The following COL9A1 variants were observed in gnomAD, a reference collection of about 807,000 sequenced individuals.
COL9A1 encodes the protein collagen alpha-1(IX) chain.
A neutral mutation model predicts 142.6 loss-of-function variants in COL9A1; 104 were observed. The ratio of observed to expected loss-of-function variants is 0.73; its 90% CI spans 0.62 to 0.86. The LOEUF is 0.86. Among genes scored for constraint, COL9A1 ranks in the 40% least tolerant of loss-of-function variants. The pLI, the probability that COL9A1 is intolerant of heterozygous loss-of-function variation, is 0.00. For missense variants in COL9A1, 1,210 were observed against 1,176.6 expected (o/e 1.03, Z -0.42); for synonymous variants, 466 against 396.0 (o/e 1.18, Z -2.10).
intron 36 of COL9A1, among the ~76,000 whole-genome samples, chr6:70,229,747 A>C (rs888689585): frequency 6.6e-6 from 1 of 152,202 alleles, no homozygotes; most frequent in Non-Finnish European, 1.5e-5. Context: ...GGCCAGTTAG[A>C]TATCTCTCAG....
chr6:70,280,785 G>A (rs757268494), intron 10 of COL9A1, 27 bp downstream of exon 10: 3 of 1,605,104 alleles, frequency 1.9e-6, no homozygotes, highest in Non-Finnish European at 2.6e-6. Flanking sequence ...CCCAGGCTGG[G>A]CGCCCTCCCA....
intron 5 of COL9A1, among the ~76,000 whole-genome samples, chr6:70,284,954 T>G (rs1002581300): frequency 6.6e-6 from 1 of 152,244 alleles, no homozygotes; most frequent in Non-Finnish European, 1.5e-5. Flanking sequence ...TTGAGATCAC[T>G]GGACAGAAGA....
At chr6:70,267,611 C>T (rs1257405752) in intron 17 of COL9A1, among the ~76,000 whole-genome samples, 5 of 152,020 alleles carry the variant, frequency 3.3e-5, no homozygotes, top group African/African-American at 9.7e-5. Context: ...CGTGAGCCAC[C>T]GCGCCCGGCC....
At chr6:70,262,550 T>TA (rs998168406) in intron 19 of COL9A1, among the ~76,000 whole-genome samples, 3 of 152,218 alleles carry the variant, frequency 2.0e-5, no homozygotes, top group African/African-American at 7.2e-5. Context: ...ATAGAGTCTA[T>TA]AACCTGGCTA....
intron 4 of COL9A1, among the ~76,000 whole-genome samples, chr6:70,298,700 GA>G (rs1773941280): frequency 6.6e-6 from 1 of 152,144 alleles, no homozygotes; most frequent in Admixed American, 6.5e-5. Flanking sequence ...CCTTAGAAGA[GA>G]AAATCAGGTC....
At chr6:70,253,724 T>G (rs928001798) in intron 25 of COL9A1, among the ~76,000 whole-genome samples, 2 of 152,180 alleles carry the variant, frequency 1.3e-5, no homozygotes, top group Non-Finnish European at 2.9e-5. Context: ...TAGAATCCAG[T>G]ACCACTTTCA....
chr6:70,288,448 G>A (rs1481784818), intron 5 of COL9A1, among the ~76,000 whole-genome samples: 1 of 152,074 alleles, frequency 6.6e-6, no homozygotes, highest in African/African-American at 2.4e-5. Context: ...TATCAAAATA[G>A]CAGCCAAGGA....
chr6:70,259,923 C>A (rs1278725624), intron 20 of COL9A1, among the ~76,000 whole-genome samples: 2 of 152,018 alleles, frequency 1.3e-5, no homozygotes, highest in African/African-American at 4.8e-5. Context: ...AAGGGCAGGG[C>A]TCATGGATCA....
In COL9A1 at chr6:70,237,836, A is replaced by C. The variant is rs528424198; in HGVS notation, c.2112+1418T>G. 2.6e-5 allele frequency among the ~76,000 whole-genome samples: 4 copies of C among 152,364 alleles called. No individual in the cohort carries two copies. The South Asian group carries it at 8.3e-4, about 32-fold the overall frequency. The stretch of plus-strand genomic sequence containing the variant: ...AATAATATTCATCTCTGCGGTTTGC[A>C]AAGAGCCCAAGGCTAGGCATTGTAA... On this transcript the variant is annotated intron_variant, in intron 33 of 37. Transcript: ENST00000357250.
rs745566207 is a variant in COL9A1 at position 70,302,007 on chromosome 6, G to A, written c.82C>T (p.Arg28Cys). The change falls in exon 2 of 38, where the codon CGC becomes TGC. Residue 28 changes from arginine (R) to cysteine (C), a missense_variant. Coordinates refer to ENST00000357250, the MANE Select transcript of COL9A1 (RefSeq NM_001851.6). ...TAGAAACTATGGCCCTTACTGGGGC[G>A]ACGCTTGACAGCTGCAGATGCCCAG... The part of the protein sequence containing the change: ...EPWASAAVKR[R>C]PRFPVNSNSN... The A allele has an allele frequency of 6.2e-6, 10 of 1,610,058 alleles. No individual in the cohort carries two copies. Among genetic ancestry groups the A allele is most frequent in the Non-Finnish European group, 8.5e-6 (10 of 1,178,244 alleles).
At position 70,274,765 on chromosome 6, in the gene COL9A1, G is replaced by A. The variant is rs866839900; in HGVS notation, c.983C>T (p.Thr328Ile). 2 of 1,612,382 alleles carry A rather than the reference G, an allele frequency of 1.2e-6. No individual in the cohort carries two copies. The highest frequency in any genetic ancestry group is 2.2e-5 in the East Asian group (1 of 44,866). ...GGAGCCAGGGGATCCATCAGGTCCTGTTAATCCCTAATAGAGCAAGACAAT... is the reference window on the plus strand; with the variant it reads ...GGAGCCAGGGGATCCATCAGGTCCTATTAATCCCTAATAGAGCAAGACAAT... ...KPGTPGADGL[T>I]GPDGSPGSIG... Residue 328 changes from threonine to isoleucine, a missense_variant, in exon 11 of 38, where the codon ACA becomes ATA. By Grantham distance (89) the Thr-to-Ile change is moderately conservative (BLOSUM62 -1). Coordinates refer to ENST00000357250, the MANE Select transcript of COL9A1 (RefSeq NM_001851.6).
Position 70,216,724 on chromosome 6 carries a change from G to A in COL9A1, c.*173C>T. The stretch of plus-strand genomic sequence containing the variant: ...GAAAGGAAAGAGAACTTACTGAATA[G>A]CACCGTTCTTCTATATGTGATTGTC... On this transcript the variant is annotated 3_prime_UTR_variant, in exon 38 of 38. Coordinates refer to ENST00000357250, the MANE Select transcript of COL9A1 (RefSeq NM_001851.6). 2 of 701,548 alleles carry A rather than the reference G, an allele frequency of 2.9e-6. No homozygotes were observed. Among genetic ancestry groups the A allele is most frequent in the Non-Finnish European group, 5.1e-6 (2 of 390,742 alleles). 43.5% of individuals were successfully genotyped at this position (701,548 alleles called of 1,614,324 possible).
chr6:70,234,593 C>T lies in COL9A1; in HGVS notation c.2260G>A (p.Gly754Ser). The change falls in exon 35 of 38, where the codon GGT becomes AGT. Residue 754 changes from glycine (G) to serine (S), a missense_variant and splice_region_variant. By Grantham distance (56) the Gly-to-Ser change is moderately conservative (BLOSUM62 0). Transcript: ENST00000357250. ...ATGTGCTGATCTGTCGGTGCTCTAC[C>T]CTGGGACAGAAAAGAAAAAAAGGCA... is the stretch of plus-strand genomic sequence containing the variant. ...TGLPGVQGPPGRAPTDQHIKQ... is the reference protein window; with the variant it reads ...TGLPGVQGPPSRAPTDQHIKQ... 1 of 1,614,068 alleles carries T rather than the reference C, an allele frequency of 6.2e-7. No individual in the cohort carries two copies. Among genetic ancestry groups the T allele is most frequent in the Non-Finnish European group, 8.5e-7 (1 of 1,180,000 alleles).
Position 70,253,401 on chromosome 6 carries a change from C to A in COL9A1, c.1748G>T (p.Gly583Val). 6.2e-7 allele frequency: 1 copy of A among 1,605,256 alleles called. No homozygotes were observed. Residue 583 changes from glycine (G) to valine (V), a missense_variant, in exon 26 of 38, where the codon GGT (glycine) becomes GTT (valine). Gly to Val is a moderately radical substitution (Grantham distance 109). Transcript: ENST00000357250. ...PGVPGIPGAK[G>V]VAGEKGSTGA... ...ATATTTTACCTTTTCACCAGCAACA[C>A]CCTTTGCACCAGGAATTCCAGGTAC...
chr6:70,254,568 G>A, intron 24 of COL9A1, 39 bp from the exon 25 acceptor site: 1 of 1,592,394 alleles, frequency 6.3e-7, no homozygotes, highest in Non-Finnish European at 8.6e-7. Flanking sequence ...GAACCTGTAT[G>A]AGCTGCTGTA....
rs1014229747 is a variant in COL9A1, at chr6:70,282,925, A to G, written c.781-7T>C. On this transcript the variant is annotated splice_polypyrimidine_tract_variant and splice_region_variant and intron_variant, in intron 6 of 37. Transcript: ENST00000357250. ...CGTCGGTGGTCTGGCTGGGCTGGAG[A>G]AGAAAAGATGGGGAGAAAGTGAGAA... The G allele has an allele frequency of 6.2e-7, 1 of 1,614,110 alleles. No individual in the cohort carries two copies. The highest frequency in any genetic ancestry group is 8.5e-7 in the Non-Finnish European group (1 of 1,180,020).
At chr6:70,302,755 G>C (rs1774120868) in intron 1 of COL9A1, among the ~76,000 whole-genome samples, 156 bp downstream of exon 1, 1 of 151,564 alleles carries the variant, frequency 6.6e-6, no homozygotes, top group African/African-American at 2.4e-5. Context: ...TCTCACGCTT[G>C]CCCTCTTGTC....
intron 36 of COL9A1, 40 bp downstream of exon 36, chr6:70,232,543 A>C (rs771103997): frequency 1.2e-6 from 2 of 1,600,864 alleles, no homozygotes; most frequent in East Asian, 4.5e-5. Context: ...CATCTGAAAA[A>C]GGTTGTGTTC....
intron 10 of COL9A1, among the ~76,000 whole-genome samples, chr6:70,278,423 G>A (rs540687725): frequency 2.1e-4 from 32 of 152,260 alleles, no homozygotes; most frequent in African/African-American, 7.7e-4. Flanking sequence ...AGTAATATTA[G>A]ACTAATCTAC....
Sources: gnomAD v4.1 joint callset for allele counts (sites outside exome capture counted in the v4.1 genomes callset) on GRCh38, gnomAD v4.1.1 for gene constraint, MANE v1.5 for transcripts, NCBI Gene and HGNC (gene_info 2026-07-23, HGNC 2026-07-21) for gene names.